Variants in ABCB1 observed in about 807,000 individuals in gnomAD.
ABCB1 encodes the protein ATP binding cassette subfamily B member 1, also known as ATP-dependent translocase ABCB1.
ABCB1 carries 69 observed loss-of-function variants against 142.0 expected under a neutral mutation model. That is an observed-to-expected ratio of 0.49 (90% CI 0.40 to 0.59). ABCB1 has a LOEUF of 0.59. Ranked by LOEUF, ABCB1 falls within the 20% of genes least tolerant of loss-of-function variation. ABCB1 has a pLI of 0.00. For missense variants in ABCB1, 1,326 were observed against 1,554.7 expected (o/e 0.85, Z 2.47); for synonymous variants, 532 against 539.2 (o/e 0.99, Z 0.18).
intron 20 of ABCB1, among the ~76,000 whole-genome samples, chr7:87,532,396 C>A (rs534882479): frequency 6.6e-6 from 1 of 152,132 alleles, no homozygotes; most frequent in African/African-American, 2.4e-5. Flanking sequence ...AGATACAGGT[C>A]GCTAAGACCT....
intron 1 of ABCB1, among the ~76,000 whole-genome samples, chr7:87,648,040 C>A (rs1028741689): frequency 3.3e-5 from 5 of 151,834 alleles, no homozygotes; most frequent in Admixed American, 3.3e-4. Flanking sequence ...AAAAAATTAG[C>A]CGGGCTTGGT....
intron 1 of ABCB1, among the ~76,000 whole-genome samples, chr7:87,633,045 G>A: frequency 6.6e-6 from 1 of 152,100 alleles, no homozygotes. Context: ...AATAGTCTTA[G>A]TTTTCTATAG....
At chr7:87,580,895 A>G (rs1382787348) in intron 4 of ABCB1, among the ~76,000 whole-genome samples, 3 of 151,804 alleles carry the variant, frequency 2.0e-5, no homozygotes, top group African/African-American at 4.8e-5. Context: ...GGTGCAGGCA[A>G]TTCAAGACTC....
chr7:87,587,188 T>C (rs1348229128), intron 3 of ABCB1, among the ~76,000 whole-genome samples: 1 of 152,196 alleles, frequency 6.6e-6, no homozygotes, highest in Non-Finnish European at 1.5e-5. Flanking sequence ...GAAGAGGTCT[T>C]CTTTTAGAGA....
chr7:87,676,176 A>G (rs1826335764), intron 1 of ABCB1, among the ~76,000 whole-genome samples: 1 of 152,102 alleles, frequency 6.6e-6, no homozygotes, highest in African/African-American at 2.4e-5. Flanking sequence ...TCAGTGAGCT[A>G]TCACCTCATC....
chr7:87,695,460 C>G (rs898912164), intron 1 of ABCB1, among the ~76,000 whole-genome samples: 1 of 151,984 alleles, frequency 6.6e-6, no homozygotes. Flanking sequence ...AACCAATTTT[C>G]TTTAAGTATC....
At chr7:87,704,626 C>T (rs1829428934) in intron 1 of ABCB1, among the ~76,000 whole-genome samples, 1 of 152,192 alleles carries the variant, frequency 6.6e-6, no homozygotes, top group South Asian at 2.1e-4. Flanking sequence ...AATATTTATT[C>T]TGTGAAGTAC....
chr7:87,593,337 A>C (rs1367943217), intron 3 of ABCB1, among the ~76,000 whole-genome samples: 1 of 152,210 alleles, frequency 6.6e-6, no homozygotes, highest in Non-Finnish European at 1.5e-5. Context: ...TGTTTCTGTA[A>C]ATGTTGAAAC....
chr7:87,508,557 T>C (rs1348941235), intron 26 of ABCB1, among the ~76,000 whole-genome samples: 1 of 152,022 alleles, frequency 6.6e-6, no homozygotes, highest in Non-Finnish European at 1.5e-5. Context: ...TCCAACTTCC[T>C]AGGAGGAATT....
chr7:87,583,705 A>G (rs1411881789), intron 4 of ABCB1, among the ~76,000 whole-genome samples: 2 of 152,098 alleles, frequency 1.3e-5, no homozygotes, highest in Non-Finnish European at 2.9e-5. Context: ...GCTATTAAGT[A>G]AGTGAGTTTA....
At chr7:87,613,750 A>G (rs999542156) in intron 1 of ABCB1, among the ~76,000 whole-genome samples, 1 of 152,200 alleles carries the variant, frequency 6.6e-6, no homozygotes, top group East Asian at 1.9e-4. Context: ...AACTATGCTC[A>G]CTACCTGGGC....
chr7:87,655,340 G>C (rs1010834951), intron 1 of ABCB1, among the ~76,000 whole-genome samples: 39 of 151,900 alleles, frequency 2.6e-4, no homozygotes, highest in African/African-American at 9.2e-4. Flanking sequence ...CTACTGATGA[G>C]TCGATAAAAA....
At chr7:87,565,625 C>A in intron 7 of ABCB1, 2 of 332,842 alleles carry the variant, frequency 6.0e-6, no homozygotes, top group South Asian at 2.4e-5. Flanking sequence ...ATCTAGAAAG[C>A]CAAAAACATT....
At chr7:87,550,607 C>A (rs1817015623) in intron 10 of ABCB1, 29 bp from the exon 11 acceptor site, 3 of 1,600,004 alleles carry the variant, frequency 1.9e-6, no homozygotes, top group Non-Finnish European at 2.6e-6. Context: ...TAAGAGATTA[C>A]TAGGTTACAA....
chr7:87,685,996 C>A lies in ABCB1; in HGVS notation c.-331+27165G>T, dbSNP rs117017813. Reference sequence around the variant, plus strand: ...CCCAAGGAATACTCCTTTACCATCACCCCTCCATATTTTTCTTGGCCAAGT... The same window carrying A: ...CCCAAGGAATACTCCTTTACCATCAACCCTCCATATTTTTCTTGGCCAAGT... On this transcript the variant is annotated intron_variant, in intron 1 of 28. Transcript: ENST00000265724. Among the ~76,000 whole-genome samples the A allele has an allele frequency of 7.0e-3, 1,064 of 152,168 alleles. 9 individuals are homozygous for A. The highest frequency in any genetic ancestry group is 0.049 in the East Asian group (256 of 5,176).
intron 20 of ABCB1, among the ~76,000 whole-genome samples, chr7:87,534,158 A>G (rs1314638548): frequency 6.6e-6 from 1 of 152,108 alleles, no homozygotes; most frequent in African/African-American, 2.4e-5. Flanking sequence ...AGGAAGAAAA[A>G]CTGCAATACA....
At chr7:87,588,885 G>T (rs889035300) in intron 3 of ABCB1, among the ~76,000 whole-genome samples, 1 of 152,124 alleles carries the variant, frequency 6.6e-6, no homozygotes, top group Non-Finnish European at 1.5e-5. Context: ...GTTTTGATTT[G>T]CATTTCTCTA....
intron 3 of ABCB1, 76 bp downstream of exon 3, chr7:87,595,690 T>C: frequency 4.1e-6 from 5 of 1,221,442 alleles, no homozygotes; most frequent in Non-Finnish European, 4.8e-6. Flanking sequence ...TTACATCAGA[T>C]GAAATATCTC....
At chr7:87,574,517 A>G (rs1818193455) in intron 4 of ABCB1, among the ~76,000 whole-genome samples, 1 of 151,964 alleles carries the variant, frequency 6.6e-6, no homozygotes, top group African/African-American at 2.4e-5. Context: ...TCTAGCGTCA[A>G]CTCACTCCAC....
Sources: gnomAD v4.1 joint callset for allele counts (sites outside exome capture counted in the v4.1 genomes callset) on GRCh38, gnomAD v4.1.1 for gene constraint, MANE v1.5 for transcripts, NCBI Gene and HGNC (gene_info 2026-07-23, HGNC 2026-07-21) for gene names.